The following KPNA1 variants were observed in gnomAD, a reference collection of about 807,000 sequenced individuals.
KPNA1 encodes the protein importin subunit alpha-5.
Under a neutral mutation model 70.5 loss-of-function variants are expected in KPNA1, and 10 were observed. The ratio of observed to expected loss-of-function variants is 0.14; its 90% CI spans 0.09 to 0.24. KPNA1 has a LOEUF of 0.24. Among genes scored for constraint, KPNA1 ranks in the 10% least tolerant of loss-of-function variants. The pLI is 1.00. For synonymous variants in KPNA1, 192 were observed against 221.9 expected (o/e 0.87, Z 1.20); for missense variants, 397 against 637.9 (o/e 0.62, Z 4.07).
intron 1 of KPNA1, among the ~76,000 whole-genome samples, chr3:122,511,815 CT>C (rs1247798151): frequency 1.3e-5 from 2 of 152,212 alleles, no homozygotes; most frequent in African/African-American, 2.4e-5. Context: ...AATCAAAGGT[CT>C]TAACTGATTT....
intron 1 of KPNA1, 37 bp downstream of exon 1, chr3:122,514,720 G>C (rs991075441): frequency 6.6e-6 from 1 of 152,530 alleles, no homozygotes; most frequent in African/African-American, 2.4e-5. Context: ...GCCGGCGGGA[G>C]GGGGAGGGGC....
At chr3:122,462,226 C>A (rs540682215) in intron 4 of KPNA1, among the ~76,000 whole-genome samples, 24 of 150,434 alleles carry the variant, frequency 1.6e-4, no homozygotes, top group East Asian at 1.4e-3. Flanking sequence ...ACAACAACAA[C>A]AAAAAAAAAC....
chr3:122,459,297 A>G lies in KPNA1; in HGVS notation c.432+1927T>C, dbSNP rs2076296989. The G allele has an allele frequency of 1.8e-5, 6 of 332,484 alleles. No individual in the cohort carries two copies. The South Asian group carries it at 5.9e-4, about 33-fold the overall frequency. The allele number at this position is 332,484 out of a possible 1,614,324, so 20.6% of individuals were successfully genotyped here. On this transcript the variant is annotated intron_variant, in intron 5 of 13. Transcript: ENST00000344337. ...TTTTAGATCTGAAAGGTTATATACCATCTATATTTAATGCATAAAAGAACT... is the reference window on the plus strand; with the variant it reads ...TTTTAGATCTGAAAGGTTATATACCGTCTATATTTAATGCATAAAAGAACT...
intron 6 of KPNA1, among the ~76,000 whole-genome samples, chr3:122,452,821 CAGAAAGAG>C (rs1048615603): frequency 6.6e-5 from 10 of 151,254 alleles, no homozygotes; most frequent in Non-Finnish European, 1.2e-4. Flanking sequence ...GATGGAGAGA[CAGAAAGAG>C]AGAAAGACAG....
chr3:122,470,837 C>T (rs996780923), intron 2 of KPNA1, among the ~76,000 whole-genome samples: 2 of 151,164 alleles, frequency 1.3e-5, no homozygotes, highest in African/African-American at 4.9e-5. Context: ...AAAGACAAAA[C>T]TAGAAACAAA....
intron 12 of KPNA1, among the ~76,000 whole-genome samples, chr3:122,428,607 C>T (rs2075855201): frequency 6.6e-6 from 1 of 152,166 alleles, no homozygotes; most frequent in African/African-American, 2.4e-5. Context: ...CAACTCTATG[C>T]TCACACATTT....
intron 9 of KPNA1, 43 bp from the exon 10 acceptor site, chr3:122,442,159 T>C: frequency 7.0e-7 from 1 of 1,438,548 alleles, no homozygotes; most frequent in South Asian, 1.2e-5. Context: ...AGTTCTATCC[T>C]TAGTTTCATT....
intron 1 of KPNA1, among the ~76,000 whole-genome samples, chr3:122,504,151 A>T (rs983697070): frequency 1.3e-5 from 2 of 152,212 alleles, no homozygotes; most frequent in African/African-American, 2.4e-5. Context: ...TTTTAGCTTG[A>T]TCAGGCTACT....
At chr3:122,438,259 A>G (rs1407679869) in intron 10 of KPNA1, among the ~76,000 whole-genome samples, 2 of 152,184 alleles carry the variant, frequency 1.3e-5, no homozygotes, top group Non-Finnish European at 2.9e-5. Context: ...ACCTTCCACC[A>G]TAACTTTTAA....
At position 122,421,963 on chromosome 3, in the gene KPNA1, GTATT is replaced by G. The variant is rs2075770000; in HGVS notation, c.*5018_*5021del. 6.6e-6 allele frequency: 1 copy of G among 152,178 alleles called. No individual in the cohort carries two copies. Among genetic ancestry groups the G allele is most frequent in the Non-Finnish European group, 1.5e-5 (1 of 68,042 alleles). 9.4% of individuals were successfully genotyped at this position (152,178 alleles called of 1,614,324 possible). A position where few individuals can be genotyped will look rare whatever the true frequency, so the allele number is the denominator to read the frequency against. On this transcript the variant is annotated 3_prime_UTR_variant, in exon 14 of 14. Transcript: ENST00000344337. ...AGATGCATGCATATTCCTTCATTTA[GTATT>G]TATTGAATGTCTACTATGTGCAAGG...
rs181023870 is a variant in KPNA1, at chr3:122,463,921, C to A, written c.337+21G>T. On this transcript the variant is annotated intron_variant, in intron 4 of 13. Transcript: ENST00000344337. Reference sequence around the variant, plus strand: ...TTTTGTAGAGAGATGAAAAAATATACTGAACATATTCATAGCTCACCTTTT... The same window carrying A: ...TTTTGTAGAGAGATGAAAAAATATAATGAACATATTCATAGCTCACCTTTT... The A allele has an allele frequency of 1.4e-3, 1,972 of 1,376,696 alleles. 15 individuals are homozygous for A. In the African/African-American group the frequency reaches 0.024, roughly 17 times the overall value. 85.3% of individuals were successfully genotyped at this position (1,376,696 alleles called of 1,614,324 possible).
chr3:122,513,970 G>C (rs529380469), intron 1 of KPNA1, among the ~76,000 whole-genome samples: 1 of 152,280 alleles, frequency 6.6e-6, no homozygotes, highest in Admixed American at 6.5e-5. Context: ...TATTTTGAAC[G>C]CTTTCATTTA....
chr3:122,445,683 T>C (rs1037550626), intron 9 of KPNA1, among the ~76,000 whole-genome samples: 2 of 152,152 alleles, frequency 1.3e-5, no homozygotes, highest in African/African-American at 2.4e-5. Context: ...ATAACCTTAA[T>C]TGTAAATGGG....
intron 2 of KPNA1, among the ~76,000 whole-genome samples, chr3:122,481,110 T>C (rs2076565917): frequency 1.3e-5 from 2 of 152,220 alleles, no homozygotes; most frequent in Admixed American, 1.3e-4. Flanking sequence ...AAATATTAAA[T>C]GTAGATTTAC....
intron 10 of KPNA1, among the ~76,000 whole-genome samples, chr3:122,438,417 G>A (rs143792176): frequency 0.07 from 10,412 of 148,346 alleles, 1,193 homozygotes; most frequent in African/African-American, 0.24. Flanking sequence ...ACAGAGTTTC[G>A]CTCCTGTTGC....
chr3:122,497,677 A>C (rs1576343401), intron 1 of KPNA1, among the ~76,000 whole-genome samples: 1 of 152,328 alleles, frequency 6.6e-6, no homozygotes, highest in South Asian at 2.1e-4. Flanking sequence ...CTAATGAGAT[A>C]GAGCAACTTT....
chr3:122,429,690 T>C (rs2075874790), intron 12 of KPNA1, among the ~76,000 whole-genome samples: 1 of 152,112 alleles, frequency 6.6e-6, no homozygotes, highest in Non-Finnish European at 1.5e-5. Context: ...TGTTAATAGA[T>C]ACCAACAAAC....
intron 2 of KPNA1, among the ~76,000 whole-genome samples, chr3:122,473,790 A>G (rs1054381053): frequency 2.6e-5 from 4 of 152,180 alleles, no homozygotes; most frequent in African/African-American, 9.7e-5. Flanking sequence ...TGCTAAGATC[A>G]GGAGCAAGAC....
intron 1 of KPNA1, among the ~76,000 whole-genome samples, chr3:122,511,917 CAACA>C (rs2076959516): frequency 6.6e-6 from 1 of 152,210 alleles, no homozygotes; most frequent in African/African-American, 2.4e-5. Context: ...ATCATTAATT[CAACA>C]AACACTGTGC....
Sources: allele counts gnomAD v4.1 joint callset (sites outside exome capture counted in the v4.1 genomes callset), GRCh38; gene constraint gnomAD v4.1.1; transcripts MANE v1.5; gene names NCBI Gene and HGNC (gene_info 2026-07-23, HGNC 2026-07-21).